Variants in UBE2D2 observed in about 807,000 individuals in gnomAD.
UBE2D2 encodes the protein ubiquitin-conjugating enzyme E2 D2.
UBE2D2 carries 2 observed loss-of-function variants against 24.2 expected under a neutral mutation model. The observed-to-expected ratio is 0.08, with a 90% CI of 0.03 to 0.26. UBE2D2 has a LOEUF of 0.26. Ranked by LOEUF, UBE2D2 falls within the 10% of genes least tolerant of loss-of-function variation. UBE2D2 has a pLI of 1.00. For synonymous variants in UBE2D2, 58 were observed against 56.5 expected, an observed-to-expected ratio of 1.03 and a Z score of -0.12; for missense variants, 44 against 177.6, an observed-to-expected ratio of 0.25 and a Z score of 4.28.
rs375359605 is a variant in UBE2D2 at position 139,542,043 on chromosome 5, C to T, written c.-64+15431C>T. On this transcript the variant is annotated intron_variant, in intron 1 of 6. Coordinates refer to the UBE2D2 transcript ENST00000511725. ...CTCTACTAAGTATACAAAAAGTAGC[C>T]GGGCATGGTGGCGTGCACCTGTAAT... Among the ~76,000 whole-genome samples the T allele has an allele frequency of 4.3e-4, 66 of 152,130 alleles. No individual in the cohort carries two copies. The Middle Eastern group carries it at 0.01, about 24-fold the overall frequency.
At chr5:139,569,525 C>G (rs973277771) in intron 1 of UBE2D2, among the ~76,000 whole-genome samples, 5 of 152,278 alleles carry the variant, frequency 3.3e-5, no homozygotes, top group South Asian at 2.1e-4. Flanking sequence ...CCCAGAAATG[C>G]AGAAACACAC....
At chr5:139,558,680 T>C (rs932044453), upstream of UBE2D2, among the ~76,000 whole-genome samples, 2 of 152,144 alleles carry the variant, frequency 1.3e-5, no homozygotes, top group Non-Finnish European at 2.9e-5. Context: ...TATTTATATG[T>C]AAGGGAAAAA....
At position 139,538,921 on chromosome 5, in the gene UBE2D2, T is replaced by C. The variant is rs138861012; in HGVS notation, c.-64+12309T>C. 4.6e-3 allele frequency among the ~76,000 whole-genome samples: 695 copies of C among 149,804 alleles called. 2 individuals are homozygous for C. The highest frequency in any genetic ancestry group is 6.2e-3 in the Non-Finnish European group (420 of 67,586). On this transcript the variant is annotated intron_variant, in intron 1 of 6. Transcript: ENST00000511725. ...TATGTATATTACTACAATAAAAAAA[T>C]GTTTAAGTACATTGCAGAATGAAAT... is the stretch of plus-strand genomic sequence containing the variant.
intron 1 of UBE2D2, among the ~76,000 whole-genome samples, chr5:139,582,127 C>G (rs1018880790): frequency 4.6e-5 from 7 of 151,838 alleles, no homozygotes; most frequent in African/African-American, 1.5e-4. Context: ...CTGTGGTGTA[C>G]AGGTGTATAG....
At chr5:139,558,357 A>G (rs1753008292), upstream of UBE2D2, among the ~76,000 whole-genome samples, 1 of 152,224 alleles carries the variant, frequency 6.6e-6, no homozygotes, top group African/African-American at 2.4e-5. Flanking sequence ...GCGCGATCTC[A>G]GCTCACTGCA....
At chr5:139,557,006 T>C (rs1445155814), upstream of UBE2D2, among the ~76,000 whole-genome samples, 1 of 150,852 alleles carries the variant, frequency 6.6e-6, no homozygotes, top group Non-Finnish European at 1.5e-5. Flanking sequence ...AGCTAATTTT[T>C]GTATTTTTAG....
At chr5:139,567,290 G>A (rs1385420675) in intron 1 of UBE2D2, among the ~76,000 whole-genome samples, 2 of 152,108 alleles carry the variant, frequency 1.3e-5, no homozygotes, top group South Asian at 2.1e-4. Flanking sequence ...GGTAGAGACG[G>A]GGTTTCACCA....
intron 1 of UBE2D2, among the ~76,000 whole-genome samples, chr5:139,581,290 T>C (rs533763039): frequency 6.6e-6 from 1 of 151,834 alleles, no homozygotes; most frequent in East Asian, 1.9e-4. Context: ...CTACTAAAAA[T>C]AACAAAAAAT....
chr5:139,603,234 C>T (rs1370312448), intron 2 of UBE2D2, among the ~76,000 whole-genome samples: 1 of 152,172 alleles, frequency 6.6e-6, no homozygotes, highest in Non-Finnish European at 1.5e-5. Flanking sequence ...GATTTGATTT[C>T]AATTTTGAAG....
At chr5:139,605,244 A>AT (rs1754172827) in intron 2 of UBE2D2, among the ~76,000 whole-genome samples, 1 of 151,976 alleles carries the variant, frequency 6.6e-6, no homozygotes, top group Non-Finnish European at 1.5e-5. Flanking sequence ...GTACTAGTAA[A>AT]TTTTTTTTCA....
At chr5:139,592,596 CTTTTTTT>C (rs34558950) in intron 1 of UBE2D2, among the ~76,000 whole-genome samples, 9 of 104,900 alleles carry the variant, frequency 8.6e-5, no homozygotes, top group African/African-American at 2.6e-4. Context: ...GTTCAGTAAT[CTTTTTTT>C]TTTTTTTTTT....
At chr5:139,540,512 C>A (rs1295561168) in intron 1 of UBE2D2, among the ~76,000 whole-genome samples, 13 of 142,208 alleles carry the variant, frequency 9.1e-5, no homozygotes, top group African/African-American at 3.0e-4. Context: ...TGCCACTGCA[C>A]TCCAGCCTAG....
chr5:139,591,667 A>G (rs373616206), intron 1 of UBE2D2, among the ~76,000 whole-genome samples: 7 of 152,200 alleles, frequency 4.6e-5, no homozygotes, highest in Non-Finnish European at 1.0e-4. Context: ...TGATTTGTCA[A>G]ATTATGTCTT....
intron 2 of UBE2D2, among the ~76,000 whole-genome samples, chr5:139,608,341 G>T (rs1435611670): frequency 6.6e-6 from 1 of 152,156 alleles, no homozygotes; most frequent in South Asian, 2.1e-4. Context: ...GCTGAAGCAG[G>T]AGAATTGCTT....
chr5:139,604,694 G>A (rs1258480891), intron 2 of UBE2D2, among the ~76,000 whole-genome samples: 1 of 151,974 alleles, frequency 6.6e-6, no homozygotes, highest in Non-Finnish European at 1.5e-5. Context: ...ATGCCAGCCT[G>A]GGCAACAAAG....
chr5:139,555,924 CAAAAAAAAAAAA>C (rs1168084041), intron 1 of UBE2D2, among the ~76,000 whole-genome samples: 6 of 9,326 alleles, frequency 6.4e-4, no homozygotes, highest in East Asian at 3.5e-3. Context: ...GACTCCATCT[CAAAAAAAAAAAA>C]AAAAAAAAAA....
At chr5:139,585,878 A>C (rs1753716023) in intron 1 of UBE2D2, among the ~76,000 whole-genome samples, 1 of 140,878 alleles carries the variant, frequency 7.1e-6, no homozygotes, top group Non-Finnish European at 1.5e-5. Context: ...TGGAGATTGC[A>C]GTGAGTCGAG....
rs75539434 is a variant in UBE2D2, at chr5:139,574,735, CAAAA to C, written c.24+12935_24+12938del. On this transcript the variant is annotated intron_variant, in intron 1 of 6. Coordinates refer to ENST00000398733, the MANE Select transcript of UBE2D2 (RefSeq NM_003339.3). The stretch of plus-strand genomic sequence containing the variant: ...TGAATGCCAATATCAGGTGGGGTGG[CAAAA>C]AAAAAAAAAAAAAAGAAAAGAAAAG... Among the ~76,000 whole-genome samples, 630 of 70,706 alleles carry C rather than the reference CAAAA, an allele frequency of 8.9e-3. 5 individuals carry two copies. Among genetic ancestry groups the C allele is most frequent in the African/African-American group, 0.028 (581 of 20,616 alleles). 46.4% of individuals were successfully genotyped at this position (70,706 alleles called of 152,430 possible).
intron 1 of UBE2D2, among the ~76,000 whole-genome samples, chr5:139,539,941 C>T (rs533765295): frequency 2.0e-5 from 3 of 150,844 alleles, no homozygotes; most frequent in South Asian, 2.1e-4. Flanking sequence ...TTTTCTGAGA[C>T]GGAGTTTCTT....
Sources: gnomAD v4.1 joint callset for allele counts (sites outside exome capture counted in the v4.1 genomes callset) on GRCh38, gnomAD v4.1.1 for gene constraint, MANE v1.5 for transcripts, NCBI Gene and HGNC (gene_info 2026-07-23, HGNC 2026-07-21) for gene names.